The following C2orf76 variants were observed in gnomAD, a reference collection of about 807,000 sequenced individuals.
C2orf76 encodes the protein chromosome 2 open reading frame 76, also known as UPF0538 protein C2orf76.
Under a neutral mutation model 16.9 loss-of-function variants are expected in C2orf76, and 23 were observed. The ratio of observed to expected loss-of-function variants is 1.36; its 90% CI spans 0.98 to 1.93. The LOEUF is 1.93. Ranked by LOEUF, C2orf76 falls within the 30% of genes most tolerant of loss-of-function variation. The pLI, the probability that C2orf76 is intolerant of heterozygous loss-of-function variation, is 0.00. For synonymous variants in C2orf76, 48 were observed against 52.3 expected (o/e 0.92, Z 0.35); for missense variants, 152 against 152.6 (o/e 1.00, Z 0.02).
intron 2 of C2orf76, among the ~76,000 whole-genome samples, chr2:119,327,371 C>A (rs1357146299): frequency 1.9e-5 from 2 of 104,470 alleles, no homozygotes; most frequent in African/African-American, 7.4e-5. Context: ...TTGGTGGAAC[C>A]AGCATTGCAT....
intron 1 of C2orf76, among the ~76,000 whole-genome samples, chr2:119,347,520 G>T (rs1558794148): frequency 6.6e-6 from 1 of 152,098 alleles, no homozygotes. Flanking sequence ...ATGATGACCT[G>T]TATTTGCTTT....
chr2:119,329,176 C>T (rs915853098), intron 2 of C2orf76, among the ~76,000 whole-genome samples: 9 of 152,158 alleles, frequency 5.9e-5, no homozygotes, highest in Admixed American at 4.6e-4. Flanking sequence ...TTTCTTCCTG[C>T]AGTTCTATGA....
chr2:119,293,783 G>C, the C2orf76 span, among the ~76,000 whole-genome samples: 12 of 152,304 alleles, frequency 7.9e-5, no homozygotes, highest in Middle Eastern at 3.4e-3. Flanking sequence ...AAAGAAAAAA[G>C]AGATATATAT....
At chr2:119,318,611 G>A (rs1481135985) in intron 3 of C2orf76, among the ~76,000 whole-genome samples, 3 of 150,690 alleles carry the variant, frequency 2.0e-5, no homozygotes, top group Non-Finnish European at 4.4e-5. Flanking sequence ...CTCACTACAA[G>A]CTCCACCTCC....
At chr2:119,334,204 A>G (rs1356777356) in intron 2 of C2orf76, among the ~76,000 whole-genome samples, 2 of 152,122 alleles carry the variant, frequency 1.3e-5, no homozygotes, top group Non-Finnish European at 2.9e-5. Context: ...CAAAATCAGT[A>G]GTTGCCAAGG....
chr2:119,332,360 C>T (rs1679702556), intron 2 of C2orf76, among the ~76,000 whole-genome samples: 1 of 152,070 alleles, frequency 6.6e-6, no homozygotes, highest in East Asian at 1.9e-4. Flanking sequence ...CAAAACTATG[C>T]ACCAACATTC....
intron 5 of C2orf76, among the ~76,000 whole-genome samples, chr2:119,304,887 G>T (rs940979769): frequency 6.6e-6 from 1 of 152,124 alleles, no homozygotes; most frequent in Non-Finnish European, 1.5e-5. Flanking sequence ...GATTTTTAAG[G>T]TTTCTACATC....
chr2:119,320,604 T>C (rs1487009283), intron 3 of C2orf76, among the ~76,000 whole-genome samples: 1 of 152,144 alleles, frequency 6.6e-6, no homozygotes, highest in Non-Finnish European at 1.5e-5. Flanking sequence ...AAATCTAAGG[T>C]AATAAAAAAT....
the C2orf76 span, among the ~76,000 whole-genome samples, chr2:119,283,797 C>T: frequency 6.6e-6 from 1 of 151,896 alleles, no homozygotes; most frequent in Admixed American, 6.6e-5. Context: ...GTTTAATGAC[C>T]CAAACTTGAG....
the C2orf76 span, among the ~76,000 whole-genome samples, chr2:119,286,469 T>C: frequency 6.6e-6 from 1 of 151,984 alleles, no homozygotes; most frequent in South Asian, 2.1e-4. Context: ...GGCAGCATGG[T>C]GTGCCCAGAG....
intron 2 of C2orf76, among the ~76,000 whole-genome samples, chr2:119,325,427 T>C (rs1573642924): frequency 8.1e-6 from 1 of 123,664 alleles, no homozygotes; most frequent in South Asian, 2.7e-4. Context: ...GCCATTGTAC[T>C]CCAGCCTGGG....
chr2:119,332,557 T>G (rs904974236), intron 2 of C2orf76, among the ~76,000 whole-genome samples: 14 of 119,366 alleles, frequency 1.2e-4, no homozygotes, highest in South Asian at 4.8e-4. Context: ...GATCCTTTAT[T>G]ATTTTTTTTA....
downstream of C2orf76, among the ~76,000 whole-genome samples, chr2:119,298,188 C>A (rs190577668): frequency 1.4e-4 from 21 of 152,290 alleles, 1 homozygote; most frequent in East Asian, 3.7e-3. Context: ...AGAAGGCCTT[C>A]TCTACCCCAA....
chr2:119,366,719 GC>G, intron 1 of C2orf76, 70 bp downstream of exon 1: 1 of 515,898 alleles, frequency 1.9e-6, no homozygotes, highest in South Asian at 2.0e-5. Flanking sequence ...CCCACAACGG[GC>G]CAGGACTGAA....
chr2:119,304,441 A>G (rs1450537543), intron 5 of C2orf76, among the ~76,000 whole-genome samples: 1 of 152,232 alleles, frequency 6.6e-6, no homozygotes, highest in African/African-American at 2.4e-5. Context: ...AAGCTGCTGG[A>G]AAGCAAGGAG....
the C2orf76 span, among the ~76,000 whole-genome samples, chr2:119,292,514 C>T: frequency 6.6e-6 from 1 of 152,162 alleles, no homozygotes; most frequent in Non-Finnish European, 1.5e-5. Flanking sequence ...AACAAACTAA[C>T]TTTCAACACA....
intron 5 of C2orf76, among the ~76,000 whole-genome samples, chr2:119,305,897 A>G (rs1023872587): frequency 1.3e-4 from 20 of 151,640 alleles, no homozygotes; most frequent in Admixed American, 7.2e-4. Flanking sequence ...GAAGATTTCA[A>G]ACTACAGTTT....
chr2:119,301,982 T>C (rs536346927), downstream of C2orf76, among the ~76,000 whole-genome samples: 4 of 150,434 alleles, frequency 2.7e-5, no homozygotes, highest in East Asian at 7.8e-4. Flanking sequence ...ACAATTCAAT[T>C]GCACATATGG....
intron 5 of C2orf76, among the ~76,000 whole-genome samples, chr2:119,307,343 G>T (rs543164228): frequency 1.3e-5 from 2 of 151,998 alleles, no homozygotes; most frequent in Non-Finnish European, 2.9e-5. Flanking sequence ...AGAGGCTGAG[G>T]CAGGAGAATC....
Sources: gnomAD v4.1 joint callset for allele counts (sites outside exome capture counted in the v4.1 genomes callset) on GRCh38, gnomAD v4.1.1 for gene constraint, MANE v1.5 for transcripts, NCBI Gene and HGNC (gene_info 2026-07-23, HGNC 2026-07-21) for gene names.